Variants in CHD1 observed in about 807,000 individuals in gnomAD.
CHD1 encodes ATP-dependent chromatin remodeler CHD1.
CHD1 carries 36 observed loss-of-function variants against 224.2 expected under a neutral mutation model. That is an observed-to-expected ratio of 0.16 (90% CI 0.12 to 0.21). The LOEUF (loss-of-function observed/expected upper bound fraction) is 0.21, where lower values mean the gene tolerates loss of function less well. Among genes scored for constraint, CHD1 ranks in the 10% least tolerant of loss-of-function variants. The pLI is 1.00. For synonymous variants in CHD1, 668 were observed against 658.3 expected (o/e 1.01, Z -0.23); for missense variants, 1,378 against 1,994.8 (o/e 0.69, Z 5.89).
chr5:98,865,550 T>C (rs1748797985), intron 31 of CHD1, among the ~76,000 whole-genome samples: 1 of 152,216 alleles, frequency 6.6e-6, no homozygotes, highest in Non-Finnish European at 1.5e-5. Context: ...TAGAATACAA[T>C]GACATCTGTC....
intron 2 of CHD1, among the ~76,000 whole-genome samples, chr5:98,912,117 T>G (rs1294403022): frequency 1.3e-5 from 2 of 152,198 alleles, no homozygotes; most frequent in African/African-American, 4.8e-5. Context: ...TGCAACCTAC[T>G]ATATCACAAG....
chr5:98,893,385 C>T (rs754412731), intron 14 of CHD1, 31 bp downstream of exon 14: 1 of 1,488,866 alleles, frequency 6.7e-7, no homozygotes, highest in Non-Finnish European at 9.2e-7. Flanking sequence ...AATATCCACA[C>T]AATATGATTA....
intron 18 of CHD1, among the ~76,000 whole-genome samples, 159 bp downstream of exon 18, chr5:98,885,419 G>C (rs1269423577): frequency 1.3e-5 from 2 of 152,072 alleles, no homozygotes; most frequent in African/African-American, 4.8e-5. Flanking sequence ...GTTTAAACTA[G>C]AATAGTGACT....
chr5:98,910,578 A>G (rs1752324486), intron 2 of CHD1, among the ~76,000 whole-genome samples: 1 of 152,110 alleles, frequency 6.6e-6, no homozygotes, highest in Admixed American at 6.6e-5. Flanking sequence ...CCTCTACACT[A>G]TGTCCTCTCT....
chr5:98,858,468 A>G (rs1748212721), intron 34 of CHD1, 78 bp from the exon 35 acceptor site: 1 of 1,205,664 alleles, frequency 8.3e-7, no homozygotes, highest in Non-Finnish European at 1.2e-6. Flanking sequence ...GATAACAAGA[A>G]TTCGTTTCAA....
chr5:98,895,974 A>G (rs1751318626), intron 12 of CHD1, among the ~76,000 whole-genome samples: 2 of 152,136 alleles, frequency 1.3e-5, no homozygotes, highest in South Asian at 4.1e-4. Context: ...TGGGAGGCCA[A>G]GGGAGGCAGA....
In CHD1 at chr5:98,898,269, A is replaced by G. The variant is rs780551489; in HGVS notation, c.1352T>C (p.Phe451Ser). 6.6e-7 allele frequency: 1 copy of G among 1,524,956 alleles called. No homozygotes were observed. Among genetic ancestry groups the G allele is most frequent in the Non-Finnish European group, 8.8e-7 (1 of 1,138,368 alleles). 94.5% of individuals were successfully genotyped at this position (1,524,956 alleles called of 1,614,324 possible). Residue 451 changes from phenylalanine to serine, a missense_variant, in exon 10 of 36, where the codon TTT (phenylalanine) becomes TCT (serine). By Grantham distance (155) the Phe-to-Ser change is radical (BLOSUM62 -2). Coordinates refer to ENST00000614616, the MANE Select transcript of CHD1 (RefSeq NM_001270.4). ...FSRNQSKTTPFKDCKVLKQRP... is the reference protein window; with the variant it reads ...FSRNQSKTTPSKDCKVLKQRP... ...GACAATACTCACTTTGCAATCTTTA[A>G]AAGGAGTGGTTTTTGATTGGTTCCT...
chr5:98,910,025 T>C (rs950211853), intron 2 of CHD1, among the ~76,000 whole-genome samples: 1 of 152,180 alleles, frequency 6.6e-6, no homozygotes. Flanking sequence ...CCCTTCTATT[T>C]ATAATAAATT....
intron 17 of CHD1, among the ~76,000 whole-genome samples, chr5:98,887,098 T>C (rs765400448): frequency 1.3e-5 from 2 of 152,182 alleles, no homozygotes; most frequent in Admixed American, 6.5e-5. Context: ...TCTGTGAACA[T>C]AGTAAAAACC....
intron 31 of CHD1, among the ~76,000 whole-genome samples, chr5:98,866,140 A>G (rs1748847522): frequency 6.6e-6 from 1 of 152,194 alleles, no homozygotes. Flanking sequence ...AAACAAAAAC[A>G]AAAACGGTTA....
rs561568184 is a variant in CHD1 at position 98,920,792 on chromosome 5, G to A, written c.53+5542C>T. On this transcript the variant is annotated intron_variant, in intron 2 of 35. Transcript: ENST00000614616. Reference sequence around the variant, plus strand: ...AGCCTGGGCAACAGAGCAAGACGCCGTCTCAAAAAAAAAAAAAAAAAGACA... The same window carrying A: ...AGCCTGGGCAACAGAGCAAGACGCCATCTCAAAAAAAAAAAAAAAAAGACA... Among the ~76,000 whole-genome samples the A allele has an allele frequency of 7.1e-4, 102 of 142,900 alleles. 1 individual carries two copies. The South Asian group carries it at 0.022, about 30-fold the overall frequency. The allele number at this position is 142,900 out of a possible 152,430, so 93.7% of individuals were successfully genotyped here.
rs928262732 is a variant in CHD1, at chr5:98,855,076, C to T, written c.*1304G>A. ...TGTAATGCTACACATTACAAATATT[C>T]AACTGCTTACCAAAATACTTTTTCT... On this transcript the variant is annotated 3_prime_UTR_variant, in exon 36 of 36. Coordinates refer to ENST00000614616, the MANE Select transcript of CHD1 (RefSeq NM_001270.4). 5.3e-5 allele frequency: 8 copies of T among 152,162 alleles called. No individual in the cohort carries two copies. Among genetic ancestry groups the T allele is most frequent in the African/African-American group, 1.9e-4 (8 of 41,388 alleles). The allele number at this position is 152,162 out of a possible 1,614,324, so 9.4% of individuals were successfully genotyped here.
At chr5:98,861,043 T>C (rs1481136441) in intron 32 of CHD1, among the ~76,000 whole-genome samples, 3 of 152,218 alleles carry the variant, frequency 2.0e-5, no homozygotes, top group Admixed American at 1.3e-4. Context: ...AGGAATCAGA[T>C]TCTGGTCTTA....
At chr5:98,927,008 A>C (rs1312454981) in intron 1 of CHD1, among the ~76,000 whole-genome samples, 1 of 151,962 alleles carries the variant, frequency 6.6e-6, no homozygotes, top group Non-Finnish European at 1.5e-5. Context: ...AGTTCTGAAA[A>C]CGCTCCCATG....
intron 17 of CHD1, among the ~76,000 whole-genome samples, chr5:98,887,799 A>C (rs1184001789): frequency 1.3e-5 from 2 of 152,182 alleles, no homozygotes; most frequent in Admixed American, 6.5e-5. Flanking sequence ...CAATCAAGAA[A>C]ATTCTGCCTT....
At chr5:98,921,572 A>C (rs1753097520) in intron 2 of CHD1, among the ~76,000 whole-genome samples, 2 of 152,162 alleles carry the variant, frequency 1.3e-5, no homozygotes, top group East Asian at 3.9e-4. Context: ...TGTAGTTTTA[A>C]ATATTTCCCA....
At position 98,892,719 on chromosome 5, in the gene CHD1, A is replaced by G. The variant is rs746807598; in HGVS notation, c.1992-6T>C. On this transcript the variant is annotated splice_polypyrimidine_tract_variant and splice_region_variant and intron_variant, in intron 14 of 35. Coordinates refer to ENST00000614616, the MANE Select transcript of CHD1 (RefSeq NM_001270.4). Reference sequence around the variant, plus strand: ...AATCTTCCCAGGAAGAAAACCTTTAAAATTTAAGAAATTGGAACAATTACT... The same window carrying G: ...AATCTTCCCAGGAAGAAAACCTTTAGAATTTAAGAAATTGGAACAATTACT... 3 of 1,557,456 alleles carry G rather than the reference A, an allele frequency of 1.9e-6. No homozygotes were observed. Among genetic ancestry groups the G allele is most frequent in the Non-Finnish European group, 2.6e-6 (3 of 1,147,926 alleles).
chr5:98,881,067 T>TA lies in CHD1; in HGVS notation c.3060+8dup. 6.4e-7 allele frequency: 1 copy of TA among 1,574,678 alleles called. No individual in the cohort carries two copies. Among genetic ancestry groups the TA allele is most frequent in the Non-Finnish European group, 8.7e-7 (1 of 1,149,768 alleles). On this transcript the variant is annotated intron_variant, in intron 22 of 35. Coordinates refer to ENST00000614616, the MANE Select transcript of CHD1 (RefSeq NM_001270.4). ...ATGTAATTACAAGGAAAATTTTGTT[T>TA]AAATCTACCTTGAACTGGGAAAGCA...
rs763777239 is a variant in CHD1 at position 98,899,748 on chromosome 5, T to C, written c.860-43A>G. 3.6e-6 allele frequency: 5 copies of C among 1,382,636 alleles called. No homozygotes were observed. The South Asian group carries it at 3.7e-5, about 10-fold the overall frequency. The allele number at this position is 1,382,636 out of a possible 1,614,324, so 85.6% of individuals were successfully genotyped here. On this transcript the variant is annotated intron_variant, in intron 7 of 35. Coordinates refer to ENST00000614616, the MANE Select transcript of CHD1 (RefSeq NM_001270.4). ...AGATCCTTCCATGTAATTAATTCTGTTGTAGGATTATATTTCAACTCAAAA... is the reference window on the plus strand; with the variant it reads ...AGATCCTTCCATGTAATTAATTCTGCTGTAGGATTATATTTCAACTCAAAA...
Sources: gnomAD v4.1 joint callset for allele counts (sites outside exome capture counted in the v4.1 genomes callset) on GRCh38, gnomAD v4.1.1 for gene constraint, MANE v1.5 for transcripts, NCBI Gene and HGNC (gene_info 2026-07-23, HGNC 2026-07-21) for gene names.